The following ZNF625 variants were observed in gnomAD, a reference collection of about 807,000 sequenced individuals.
ZNF625 encodes the protein zinc finger protein 625.
In ZNF625, 8 loss-of-function variants were observed where a neutral mutation model predicts 11.1. That is an observed-to-expected ratio of 0.72 (90% confidence interval 0.42 to 1.30). The LOEUF is 1.30. Ranked by LOEUF, ZNF625 falls within the 50% of genes most tolerant of loss-of-function variation. The probability of loss-of-function intolerance (pLI) is 0.01; values close to 1 mark genes in which losing one functional copy is unlikely to be tolerated. For missense variants in ZNF625, 349 were observed against 447.6 expected (o/e 0.78, Z 1.99); for synonymous variants, 145 against 153.4 (o/e 0.95, Z 0.41).
chr19:12,154,523 G>A lies in ZNF625; in HGVS notation c.3+2033C>T, dbSNP rs537128906. On this transcript the variant is annotated intron_variant, in intron 1 of 3. Transcript: ENST00000439556. ...CAAGAGTTTAACTTTTAGCTCCGGA[G>A]TTCTAAGCCCATTTCCCTAGAGTCT... is the stretch of plus-strand genomic sequence containing the variant. Among the ~76,000 whole-genome samples the A allele has an allele frequency of 3.9e-5, 6 of 152,248 alleles. No homozygotes were observed. In the East Asian group the frequency reaches 7.7e-4, roughly 20 times the overall value.
chr19:12,155,303 G>A (rs1977011833), intron 1 of ZNF625, among the ~76,000 whole-genome samples: 1 of 151,928 alleles, frequency 6.6e-6, no homozygotes, highest in Admixed American at 6.6e-5. Flanking sequence ...GCCATGCAAG[G>A]CAAGGGTAAA....
At chr19:12,155,515 T>TAA (rs1977014486) in intron 1 of ZNF625, among the ~76,000 whole-genome samples, 1 of 152,152 alleles carries the variant, frequency 6.6e-6, no homozygotes, top group African/African-American at 2.4e-5. Flanking sequence ...CGCTTCTACG[T>TAA]GTCCTGCCCT....
At chr19:12,154,531 C>T (rs904399566) in intron 1 of ZNF625, among the ~76,000 whole-genome samples, 6 of 152,106 alleles carry the variant, frequency 3.9e-5, no homozygotes, top group Admixed American at 2.6e-4. Flanking sequence ...GAGTTCTAAG[C>T]CCATTTCCCT....
intron 1 of ZNF625, among the ~76,000 whole-genome samples, chr19:12,149,995 T>C (rs1976932981): frequency 6.6e-6 from 1 of 152,146 alleles, no homozygotes; most frequent in South Asian, 2.1e-4. Flanking sequence ...CACTGTGACC[T>C]CCCAAAGTGC....
At chr19:12,151,218 T>C (rs1362434118) in intron 1 of ZNF625, among the ~76,000 whole-genome samples, 1 of 149,996 alleles carries the variant, frequency 6.7e-6, no homozygotes, top group Non-Finnish European at 1.5e-5. Context: ...TTTTTTTTTT[T>C]TTCTTTTGTC....
intron 1 of ZNF625, among the ~76,000 whole-genome samples, chr19:12,155,700 CAG>C (rs2145616623): frequency 6.6e-6 from 1 of 152,314 alleles, no homozygotes; most frequent in African/African-American, 2.4e-5. Context: ...AGTTATTTTG[CAG>C]AGTTTTGCTC....
rs566442340 is a variant in ZNF625 at position 12,146,121 on chromosome 19, C to G, written c.295G>C (p.Val99Leu). The G allele has an allele frequency of 2.5e-6, 4 of 1,614,132 alleles. No individual in the cohort carries two copies. Among genetic ancestry groups the G allele is most frequent in the Non-Finnish European group, 3.4e-6 (4 of 1,180,028 alleles). ...ACGCTGACTTCTCCACATGATTTTA[C>G]TCGGGGAGTTTTCTTCTTCAGCATG... ...DDMLKKKTPR[V>L]KSCGEVSVGH... The change falls in exon 4 of 4, where the codon GTA (valine) becomes CTA (leucine). Residue 99 changes from valine to leucine, a missense_variant. Val to Leu is a conservative substitution (Grantham distance 32, BLOSUM62 1). Transcript: ENST00000439556.
chr19:12,148,761 C>T (rs566435439), intron 1 of ZNF625, among the ~76,000 whole-genome samples: 2 of 151,550 alleles, frequency 1.3e-5, no homozygotes, highest in East Asian at 4.0e-4. Context: ...GCTGGGATTA[C>T]AGGCGCCCGC....
chr19:12,151,307 G>A (rs2145612723), intron 1 of ZNF625, among the ~76,000 whole-genome samples: 1 of 150,724 alleles, frequency 6.6e-6, no homozygotes, highest in Admixed American at 6.6e-5. Context: ...AACCTCTGGG[G>A]TCAAGCAATC....
intron 3 of ZNF625, among the ~76,000 whole-genome samples, chr19:12,147,007 C>CACT (rs1356124316): frequency 1.5e-5 from 2 of 130,684 alleles, no homozygotes; most frequent in Admixed American, 7.5e-5. Flanking sequence ...CGCTCAGTCG[C>CACT]CCAGGATGGA....
In ZNF625 at chr19:12,147,786, T is replaced by C. The variant is rs1976897505; in HGVS notation, c.20A>G (p.Glu7Gly). 6.2e-7 allele frequency: 1 copy of C among 1,613,850 alleles called. No individual in the cohort carries two copies. The highest frequency in any genetic ancestry group is 8.5e-7 in the Non-Finnish European group (1 of 1,179,974). Residue 7 changes from glutamate (E) to glycine (G), a missense_variant, in exon 2 of 4, where the codon GAG becomes GGG. Physicochemically the swap from Glu to Gly is moderately conservative, Grantham distance 98. Coordinates refer to ENST00000439556, the MANE Select transcript of ZNF625 (RefSeq NM_145233.4). MDSVVFEDVDVNFTQEE... is the reference protein window; with the variant it reads MDSVVFGDVDVNFTQEE... ...CTGGGTGAAGTTCACATCTACATCCTCAAAGACCACTGAATCCTGAAACAT... is the reference window on the plus strand; with the variant it reads ...CTGGGTGAAGTTCACATCTACATCCCCAAAGACCACTGAATCCTGAAACAT...
In ZNF625 at chr19:12,147,742, C is replaced by G; in HGVS notation, c.64G>C (p.Asp22His). 6.2e-7 allele frequency: 1 copy of G among 1,614,144 alleles called. No individual in the cohort carries two copies. The highest frequency in any genetic ancestry group is 8.5e-7 in the Non-Finnish European group (1 of 1,180,026). The change falls in exon 2 of 4, where the codon GAT becomes CAT. Residue 22 changes from aspartate (D) to histidine (H), a missense_variant. Asp to His is a moderately conservative substitution (Grantham distance 81, BLOSUM62 -1). Coordinates refer to ENST00000439556, the MANE Select transcript of ZNF625 (RefSeq NM_145233.4). The stretch of plus-strand genomic sequence containing the variant: ...CTGTAGAGATTCTTCTGGGAAGGAT[C>G]CAGCAAAGCCCACTCCTCCTGGGTG... ...NFTQEEWALLDPSQKNLYRDV... is the reference protein window; with the variant it reads ...NFTQEEWALLHPSQKNLYRDV...
chr19:12,153,091 C>T (rs915864147), intron 1 of ZNF625, among the ~76,000 whole-genome samples: 4 of 152,002 alleles, frequency 2.6e-5, no homozygotes, highest in African/African-American at 9.7e-5. Context: ...CGGTGGCTCA[C>T]GCCTGTAATC....
chr19:12,146,970 A>ATTTTTTTTTTTTTTTTTTTT (rs934558893), intron 3 of ZNF625, among the ~76,000 whole-genome samples: 3,541 of 129,912 alleles, frequency 0.027, 259 homozygotes, highest in East Asian at 0.043. Context: ...GTTTTTAGAG[A>ATTTTTTTTTTTTTTTTTTTT]TTTTTTTTTT....
At position 12,145,795 on chromosome 19, in the gene ZNF625, A is replaced by T. The variant is rs370511846; in HGVS notation, c.621T>A (p.Leu207=). ...GKALMCLSLY[L]IHKRTHTGEK... ...CTCCAGTGTGAGTTCGTTTGTGGATAAGATACAAACTGAGACACATCAAGG... is the reference window on the plus strand; with the variant it reads ...CTCCAGTGTGAGTTCGTTTGTGGATTAGATACAAACTGAGACACATCAAGG... The change falls in exon 4 of 4, where the codon CTT becomes CTA. Residue 207 remains leucine (L), a synonymous_variant. Coordinates refer to ENST00000439556, the MANE Select transcript of ZNF625 (RefSeq NM_145233.4). The T allele has an allele frequency of 5.6e-5, 91 of 1,614,108 alleles. No individual in the cohort carries two copies. Among genetic ancestry groups the T allele is most frequent in the Middle Eastern group, 3.3e-4 (2 of 6,084 alleles).
At position 12,145,474 on chromosome 19, in the gene ZNF625, A is replaced by T. The variant is rs1316156712; in HGVS notation, c.942T>A (p.Ser314=). ...TTCCATGTGTTCGAAGGTGCGAGGCAGATCTGAAGGCTTTCCCACATTGCT... is the reference window on the plus strand; with the variant it reads ...TTCCATGTGTTCGAAGGTGCGAGGCTGATCTGAAGGCTTTCCCACATTGCT... The part of the protein sequence containing the change: ...ECKQCGKAFR[S]ASHLRTHGRT... The change falls in exon 4 of 4, where the codon TCT becomes TCA. Residue 314 remains serine, a synonymous_variant. Transcript: ENST00000439556. 2 of 1,614,040 alleles carry T rather than the reference A, an allele frequency of 1.2e-6. No homozygotes were observed. The highest frequency in any genetic ancestry group is 1.7e-6 in the Non-Finnish European group (2 of 1,180,024).
rs1976848639 is a variant in ZNF625, at chr19:12,145,117, GC to G, written c.*179del. On this transcript the variant is annotated 3_prime_UTR_variant, in exon 4 of 4. Transcript: ENST00000439556. ...TCTGTGTCCTAGGTATCTGAGTGAGGCCCCAGCTAAACTACTCCCAAAAATT... is the reference window on the plus strand; with the variant it reads ...TCTGTGTCCTAGGTATCTGAGTGAGGCCCAGCTAAACTACTCCCAAAAATT... The G allele has an allele frequency of 1.5e-6, 1 of 669,808 alleles. No homozygotes were observed. The allele number at this position is 669,808 out of a possible 1,614,324, so 41.5% of individuals were successfully genotyped here.
At chr19:12,146,969 G>GGTTTTTTTTTTTTTTTTTTTTT (rs1568388597) in intron 3 of ZNF625, among the ~76,000 whole-genome samples, 1 of 126,018 alleles carries the variant, frequency 7.9e-6, no homozygotes, top group Non-Finnish European at 1.7e-5. Context: ...TGTTTTTAGA[G>GGTTTTTTTTTTTTTTTTTTTTT]ATTTTTTTTT....
chr19:12,147,675 C>A lies in ZNF625; in HGVS notation c.130+1G>T. 6.2e-7 allele frequency: 1 copy of A among 1,613,836 alleles called. No individual in the cohort carries two copies. On this transcript the variant is annotated splice_donor_variant, in intron 2 of 3. Transcript: ENST00000439556. LOFTEE classifies it high-confidence loss of function. ...GAGGAAAGTAATATTGTTACCCTTA[C>A]CTACAGAAGCCAGGTTCCTGAAGGT...
Sources: gnomAD v4.1 joint callset for allele counts (sites outside exome capture counted in the v4.1 genomes callset) on GRCh38, gnomAD v4.1.1 for gene constraint, MANE v1.5 for transcripts, NCBI Gene and HGNC (gene_info 2026-07-23, HGNC 2026-07-21) for gene names.